TRAPPC3L: variants seen among roughly 807,000 people sequenced by gnomAD.
The protein encoded by TRAPPC3L is trafficking protein particle complex subunit 3L.
In TRAPPC3L, 23 loss-of-function variants were observed where a neutral mutation model predicts 23.7. The ratio of observed to expected loss-of-function variants is 0.97; its 90% CI spans 0.70 to 1.37. The LOEUF is 1.37. TRAPPC3L is among the 40% of genes most tolerant of loss of function. The pLI, the probability that TRAPPC3L is intolerant of heterozygous loss-of-function variation, is 0.00. For synonymous variants in TRAPPC3L, 81 were observed against 77.9 expected (o/e 1.04, Z -0.21); for missense variants, 212 against 216.8 (o/e 0.98, Z 0.14).
rs1209255090 is a variant in TRAPPC3L at position 116,495,876 on chromosome 6, TAA to T, written c.*1076_*1077del. The T allele has an allele frequency of 6.6e-6, 1 of 151,972 alleles. No individual in the cohort carries two copies. Among genetic ancestry groups the T allele is most frequent in the African/African-American group, 2.4e-5 (1 of 41,334 alleles). The allele number at this position is 151,972 out of a possible 1,614,324, so 9.4% of individuals were successfully genotyped here. ...CCATCTTTAATTGGATTATTAATTT[TAA>T]TTTTTTCCTATGGAGTTGGTTGAAC... On this transcript the variant is annotated 3_prime_UTR_variant, in exon 5 of 5. Transcript: ENST00000368602.
intron 3 of TRAPPC3L, among the ~76,000 whole-genome samples, chr6:116,508,610 T>C (rs1772048054): frequency 6.6e-6 from 1 of 152,172 alleles, no homozygotes; most frequent in Non-Finnish European, 1.5e-5. Flanking sequence ...TGAGGACTCT[T>C]CTCATTTTGA....
rs1267249306 is a variant in TRAPPC3L, at chr6:116,543,695, GT to G, written c.43-296del. The G allele has an allele frequency of 3.4e-6, 3 of 894,780 alleles. No individual in the cohort carries two copies. In the African/African-American group the frequency reaches 5.1e-5, roughly 15 times the overall value. 55.4% of individuals were successfully genotyped at this position (894,780 alleles called of 1,614,324 possible). ...TTGCAATGTATTTTCATGGAGGACA[GT>G]TTTTTAAAAATACTAATTTCTAACA... On this transcript the variant is annotated intron_variant, in intron 1 of 4. Coordinates refer to ENST00000368602, the MANE Select transcript of TRAPPC3L (RefSeq NM_001139444.3).
At chr6:116,498,160 T>C (rs1020223615) in intron 4 of TRAPPC3L, among the ~76,000 whole-genome samples, 11 of 152,240 alleles carry the variant, frequency 7.2e-5, no homozygotes, top group African/African-American at 2.7e-4. Flanking sequence ...ATTTGGATAT[T>C]TGGGGACACA....
Position 116,497,067 on chromosome 6 carries a change from A to G in TRAPPC3L, c.433T>C (p.Leu145=), listed in dbSNP as rs1287476678. The change falls in exon 5 of 5, where the codon TTG becomes CTG. Residue 145 remains leucine, a synonymous_variant. Transcript: ENST00000368602. Reference sequence around the variant, plus strand: ...TGCAAGAATGTAACATCAGCCGCCAAATGAACCTAGGAAAGAAGAAAAAAA... The same window carrying G: ...TGCAAGAATGTAACATCAGCCGCCAGATGAACCTAGGAAAGAAGAAAAAAA... The part of the protein sequence containing the change: ...IIRGALEMVH[L]AADVTFLQDR... 3.9e-6 allele frequency: 6 copies of G among 1,540,776 alleles called. No individual in the cohort carries two copies. Among genetic ancestry groups the G allele is most frequent in the Non-Finnish European group, 5.2e-6 (6 of 1,143,774 alleles).
At chr6:116,515,589 T>C (rs1332053510) in intron 3 of TRAPPC3L, 1 of 1,595,732 alleles carries the variant, frequency 6.3e-7, no homozygotes, top group Non-Finnish European at 8.5e-7. Flanking sequence ...CAATATTTCT[T>C]TCTTCTTAAG....
intron 3 of TRAPPC3L, chr6:116,517,724 ATAGT>A (rs1772255107): frequency 2.0e-5 from 3 of 152,180 alleles, no homozygotes; most frequent in South Asian, 2.1e-4. Context: ...GAGATGACTG[ATAGT>A]TAGGGGCTTC....
At chr6:116,503,455 A>G (rs190430158) in intron 3 of TRAPPC3L, among the ~76,000 whole-genome samples, 75 of 152,338 alleles carry the variant, frequency 4.9e-4, no homozygotes, top group African/African-American at 1.7e-3. Flanking sequence ...TGTCAATATT[A>G]GACAGATCAA....
At chr6:116,530,376 C>G (rs1010949008) in intron 3 of TRAPPC3L, among the ~76,000 whole-genome samples, 1 of 152,022 alleles carries the variant, frequency 6.6e-6, no homozygotes, top group African/African-American at 2.4e-5. Context: ...AGAAAACACA[C>G]AGAATGTCAA....
At chr6:116,543,105 G>GA (rs1457915642) in intron 2 of TRAPPC3L, among the ~76,000 whole-genome samples, 198 bp downstream of exon 2, 11 of 152,012 alleles carry the variant, frequency 7.2e-5, no homozygotes, top group African/African-American at 1.7e-4. Flanking sequence ...ATATTTGTAG[G>GA]AAAAAAATCC....
At chr6:116,513,289 A>G (rs1272275180) in intron 3 of TRAPPC3L, among the ~76,000 whole-genome samples, 1 of 152,242 alleles carries the variant, frequency 6.6e-6, no homozygotes, top group Non-Finnish European at 1.5e-5. Flanking sequence ...TCATAAATTG[A>G]TAAGTCAAAA....
rs1771834396 is a variant in TRAPPC3L, at chr6:116,496,462, C to T, written c.*492G>A. On this transcript the variant is annotated 3_prime_UTR_variant, in exon 5 of 5. Transcript: ENST00000368602. ...GCTAAAGCTATAAGCCAAGCTAATA[C>T]ATGAGAAAAATCAAATCATATTTTT... 1 of 152,066 alleles carries T rather than the reference C, an allele frequency of 6.6e-6. No homozygotes were observed. The highest frequency in any genetic ancestry group is 1.5e-5 in the Non-Finnish European group (1 of 68,030). 9.4% of individuals were successfully genotyped at this position (152,066 alleles called of 1,614,324 possible).
chr6:116,497,558 T>C (rs1771849820), intron 4 of TRAPPC3L, among the ~76,000 whole-genome samples: 2 of 152,334 alleles, frequency 1.3e-5, no homozygotes, highest in Non-Finnish European at 1.5e-5. Context: ...TTTGAGAGCT[T>C]TGAGAATAAT....
intron 3 of TRAPPC3L, 90 bp from the exon 4 acceptor site, chr6:116,500,756 GC>G: frequency 8.7e-7 from 1 of 1,153,914 alleles, no homozygotes; most frequent in Non-Finnish European, 1.2e-6. Context: ...AGGCATTGCA[GC>G]ACAATGGTTA....
intron 1 of TRAPPC3L, chr6:116,543,796 G>A: frequency 1.3e-6 from 2 of 1,531,214 alleles, no homozygotes; most frequent in Non-Finnish European, 1.7e-6. Context: ...GACTTCTCAG[G>A]CGTCTGCACA....
chr6:116,535,949 T>G (rs527862799), intron 3 of TRAPPC3L, among the ~76,000 whole-genome samples: 1 of 152,314 alleles, frequency 6.6e-6, no homozygotes, highest in East Asian at 1.9e-4. Flanking sequence ...AGATGATAGA[T>G]GTTCTTTTTA....
At chr6:116,502,077 G>A (rs1162425506) in intron 3 of TRAPPC3L, among the ~76,000 whole-genome samples, 2 of 152,142 alleles carry the variant, frequency 1.3e-5, no homozygotes, top group African/African-American at 2.4e-5. Context: ...AAACTTCTCC[G>A]AGCTAAAGAA....
intron 3 of TRAPPC3L, among the ~76,000 whole-genome samples, chr6:116,530,428 G>GA (rs1175419396): frequency 6.6e-6 from 1 of 152,094 alleles, no homozygotes; most frequent in Non-Finnish European, 1.5e-5. Flanking sequence ...AGTAACAAAA[G>GA]AAAAAGCCCC....
At chr6:116,535,112 G>A (rs1373313812) in intron 3 of TRAPPC3L, among the ~76,000 whole-genome samples, 1 of 152,202 alleles carries the variant, frequency 6.6e-6, no homozygotes, top group Non-Finnish European at 1.5e-5. Context: ...TGCTCTGCAG[G>A]AGGCTTTGGA....
At chr6:116,514,522 A>G (rs1583270520) in intron 3 of TRAPPC3L, among the ~76,000 whole-genome samples, 1 of 152,356 alleles carries the variant, frequency 6.6e-6, no homozygotes, top group East Asian at 1.9e-4. Flanking sequence ...GTCCAGTATC[A>G]TTTCATTAGG....
Sources: gnomAD v4.1 joint callset for allele counts (sites outside exome capture counted in the v4.1 genomes callset) on GRCh38, gnomAD v4.1.1 for gene constraint, MANE v1.5 for transcripts, NCBI Gene and HGNC (gene_info 2026-07-23, HGNC 2026-07-21) for gene names.